ACYP2: variants seen among roughly 807,000 people sequenced by gnomAD.
ACYP2 encodes the protein acylphosphatase 2, also known as acylphosphatase-2.
In ACYP2, 12 loss-of-function variants were observed where a neutral mutation model predicts 11.2. The ratio of observed to expected loss-of-function variants is 1.08; its 90% CI spans 0.69 to 1.74. The LOEUF (loss-of-function observed/expected upper bound fraction) is 1.74. Among genes scored for constraint, ACYP2 ranks in the 40% most tolerant of loss-of-function variants. The pLI is 0.00. For missense variants in ACYP2, 134 were observed against 101.9 expected, an observed-to-expected ratio of 1.31 and a Z score of -1.35; for synonymous variants, 43 against 32.2, an observed-to-expected ratio of 1.33 and a Z score of -1.13.
chr2:54,069,961 T>G (rs1676945451), intron 4 of ACYP2, among the ~76,000 whole-genome samples: 1 of 152,058 alleles, frequency 6.6e-6, no homozygotes, highest in Admixed American at 6.5e-5. Flanking sequence ...TCTCAAGATG[T>G]TTTACTTCTT....
chr2:54,181,784 G>C (rs1683741872), intron 6 of ACYP2, among the ~76,000 whole-genome samples: 1 of 152,076 alleles, frequency 6.6e-6, no homozygotes, highest in Non-Finnish European at 1.5e-5. Flanking sequence ...ATTTGGCTGA[G>C]ACTCACAAAG....
At chr2:54,022,823 C>A (rs551648844) in intron 2 of ACYP2, among the ~76,000 whole-genome samples, 295 of 152,256 alleles carry the variant, frequency 1.9e-3, no homozygotes, top group Non-Finnish European at 3.1e-3. Flanking sequence ...TGGAGAGACG[C>A]CTCCCAAGAG....
At chr2:54,094,724 G>T (rs920968503) in intron 4 of ACYP2, among the ~76,000 whole-genome samples, 1 of 151,346 alleles carries the variant, frequency 6.6e-6, no homozygotes, top group Non-Finnish European at 1.5e-5. Context: ...TTTTTGTGGA[G>T]ATGGTGTTTC....
intron 2 of ACYP2, among the ~76,000 whole-genome samples, chr2:54,004,447 A>G (rs1160575897): frequency 1.1e-4 from 13 of 115,786 alleles, no homozygotes; most frequent in East Asian, 7.3e-4. Flanking sequence ...GTCTCGCTCT[A>G]TCGCCCAGGC....
chr2:54,114,239 G>C (rs1272923463), intron 4 of ACYP2, among the ~76,000 whole-genome samples: 1 of 152,152 alleles, frequency 6.6e-6, no homozygotes, highest in African/African-American at 2.4e-5. Flanking sequence ...CTAGAAGGTG[G>C]CAGATTATCA....
At chr2:54,262,909 AGATTTATGTATGT>A (rs1254476531) in intron 6 of ACYP2, among the ~76,000 whole-genome samples, 1 of 152,090 alleles carries the variant, frequency 6.6e-6, no homozygotes, top group Non-Finnish European at 1.5e-5. Context: ...AGTAGGAGTA[AGATTTATGTATGT>A]GATAGAAGGT....
intron 6 of ACYP2, among the ~76,000 whole-genome samples, chr2:54,230,144 T>G (rs889041039): frequency 2.0e-5 from 3 of 152,234 alleles, no homozygotes; most frequent in Non-Finnish European, 4.4e-5. Context: ...AAGTTTCTTG[T>G]GGGAAAAATC....
At chr2:54,151,499 G>T (rs888035425) in intron 6 of ACYP2, among the ~76,000 whole-genome samples, 6 of 152,138 alleles carry the variant, frequency 3.9e-5, no homozygotes, top group Non-Finnish European at 8.8e-5. Flanking sequence ...ATTAAGAAAG[G>T]TTCCATTGGA....
intron 2 of ACYP2, among the ~76,000 whole-genome samples, chr2:54,010,429 A>G (rs528437899): frequency 6.6e-6 from 1 of 152,062 alleles, no homozygotes; most frequent in South Asian, 2.1e-4. Context: ...GGTTGCAGTG[A>G]GCTGAGTTTG....
At chr2:54,159,639 TCC>T (rs1682617592) in intron 6 of ACYP2, among the ~76,000 whole-genome samples, 2 of 152,148 alleles carry the variant, frequency 1.3e-5, no homozygotes, top group African/African-American at 4.8e-5. Flanking sequence ...TTGTGAAAAG[TCC>T]AGTCTAACTG....
intron 6 of ACYP2, among the ~76,000 whole-genome samples, chr2:54,292,157 A>G (rs2104145878): frequency 6.6e-6 from 1 of 152,316 alleles, no homozygotes; most frequent in East Asian, 1.9e-4. Context: ...AATTACCAGC[A>G]TGACCAGCCA....
intron 2 of ACYP2, among the ~76,000 whole-genome samples, chr2:53,994,066 C>G (rs1401589663): frequency 6.6e-6 from 1 of 152,068 alleles, no homozygotes; most frequent in African/African-American, 2.4e-5. Context: ...CGTAGTGGCT[C>G]ACGCCTGTAA....
At chr2:54,013,165 C>A (rs1673473252) in intron 2 of ACYP2, among the ~76,000 whole-genome samples, 1 of 130,762 alleles carries the variant, frequency 7.6e-6, no homozygotes, top group African/African-American at 2.8e-5. Context: ...CACCTGCCCC[C>A]ACCCCCCGCC....
chr2:54,286,846 G>T (rs1455089108), intron 6 of ACYP2, among the ~76,000 whole-genome samples: 2 of 151,954 alleles, frequency 1.3e-5, no homozygotes, highest in African/African-American at 4.8e-5. Context: ...ATATCCAAAT[G>T]TGAGTTTTCT....
At chr2:54,096,386 C>G (rs1328879870) in intron 4 of ACYP2, among the ~76,000 whole-genome samples, 4 of 149,092 alleles carry the variant, frequency 2.7e-5, no homozygotes, top group African/African-American at 9.9e-5. Context: ...ACGTCCCAGA[C>G]GATGGATGGC....
chr2:54,110,669 C>T (rs1572774653), intron 4 of ACYP2, among the ~76,000 whole-genome samples: 1 of 152,066 alleles, frequency 6.6e-6, no homozygotes, highest in South Asian at 2.1e-4. Flanking sequence ...CCAACACCCA[C>T]CTCAGGATCC....
At chr2:54,110,387 G>T (rs1242947201) in intron 4 of ACYP2, among the ~76,000 whole-genome samples, 2 of 152,180 alleles carry the variant, frequency 1.3e-5, no homozygotes, top group African/African-American at 4.8e-5. Flanking sequence ...CAAAGTTAAT[G>T]ATGATTCTGT....
chr2:53,973,887 GTGTGTGTGTGTGTGTA>G (rs1433972597), intron 2 of ACYP2: 28 of 118,028 alleles, frequency 2.4e-4, no homozygotes, highest in Non-Finnish European at 3.7e-4. Context: ...GTGTGTGTGT[GTGTGTGTGTGTGTGTA>G]TATATTTTTT....
intron 2 of ACYP2, among the ~76,000 whole-genome samples, chr2:54,032,006 T>A (rs199520910): frequency 0.075 from 11,450 of 152,022 alleles, 585 homozygotes; most frequent in East Asian, 0.27. Context: ...CTTTAAGTTC[T>A]TTGTAGATTC....
Sources: allele counts gnomAD v4.1 joint callset (sites outside exome capture counted in the v4.1 genomes callset), GRCh38; gene constraint gnomAD v4.1.1; transcripts MANE v1.5; gene names NCBI Gene and HGNC (gene_info 2026-07-23, HGNC 2026-07-21).